GABRR3: variants seen among roughly 807,000 people sequenced by gnomAD.
GABRR3 encodes gamma-aminobutyric acid type A receptor subunit rho3.
In GABRR3, 29 loss-of-function variants were observed where a neutral mutation model predicts 43.2. The ratio of observed to expected loss-of-function variants is 0.67; its 90% CI spans 0.50 to 0.92. The LOEUF (loss-of-function observed/expected upper bound fraction) is 0.92, where lower values mean the gene tolerates loss of function less well. Among genes scored for constraint, GABRR3 ranks in the 40% least tolerant of loss-of-function variants. The pLI is 0.00. For missense variants in GABRR3, 576 were observed against 572.3 expected (o/e 1.01, Z -0.07); for synonymous variants, 206 against 195.9 (o/e 1.05, Z -0.43).
chr3:98,002,548 C>T (rs1048165285), intron 7 of GABRR3, among the ~76,000 whole-genome samples: 1 of 152,126 alleles, frequency 6.6e-6, no homozygotes, highest in Non-Finnish European at 1.5e-5. Flanking sequence ...CATACACATA[C>T]CAGGATATAT....
chr3:98,008,959 T>C (rs1210062940), exon 6 of GABRR3: 1 of 1,596,582 alleles, frequency 6.3e-7, no homozygotes, highest in East Asian at 2.2e-5. Context: ...GACTTACAGC[T>C]TTCCAGTTCA....
At chr3:98,017,678 C>T in exon 4 of GABRR3, 1 of 1,610,788 alleles carries the variant, frequency 6.2e-7, no homozygotes. Context: ...GAAATGCTGT[C>T]AATGCTTTCA....
chr3:97,991,776 CT>C (rs1706471323), intron 9 of GABRR3, among the ~76,000 whole-genome samples: 1 of 151,994 alleles, frequency 6.6e-6, no homozygotes, highest in African/African-American at 2.4e-5. Flanking sequence ...TAAAAACATC[CT>C]GAAAGTATGA....
chr3:98,007,436 A>C (rs185324808), intron 7 of GABRR3, among the ~76,000 whole-genome samples: 79 of 152,282 alleles, frequency 5.2e-4, no homozygotes, highest in Non-Finnish European at 7.9e-4. Context: ...AGAAACTTCA[A>C]TTTGTTGTAA....
intron 3 of GABRR3, among the ~76,000 whole-genome samples, chr3:98,023,438 A>G (rs1163360180): frequency 1.3e-5 from 2 of 152,134 alleles, no homozygotes; most frequent in African/African-American, 4.8e-5. Flanking sequence ...CCGAAAACCC[A>G]GGGACAGGCA....
chr3:98,034,028 T>C (rs1432652592), intron 2 of GABRR3, among the ~76,000 whole-genome samples: 1 of 152,202 alleles, frequency 6.6e-6, no homozygotes, highest in East Asian at 1.9e-4. Flanking sequence ...AGCTTAAACA[T>C]CTGTCACCCC....
At chr3:98,005,989 C>A (rs535973216) in intron 7 of GABRR3, among the ~76,000 whole-genome samples, 1 of 151,840 alleles carries the variant, frequency 6.6e-6, no homozygotes, top group African/African-American at 2.4e-5. Context: ...TTCACATATA[C>A]CATGCTTCAT....
intron 3 of GABRR3, among the ~76,000 whole-genome samples, chr3:98,022,847 A>G (rs894555666): frequency 6.6e-6 from 1 of 152,212 alleles, no homozygotes. Flanking sequence ...CGGGAAAGAA[A>G]GTATTTTTAA....
chr3:97,991,944 A>T (rs957006218), intron 9 of GABRR3, among the ~76,000 whole-genome samples: 9 of 152,192 alleles, frequency 5.9e-5, no homozygotes, highest in African/African-American at 2.2e-4. Flanking sequence ...ATACATATAT[A>T]CTATATGCAC....
At chr3:98,017,762 T>C (rs902417734) in intron 3 of GABRR3, 40 bp from the exon 4 acceptor site, 2 of 1,363,528 alleles carry the variant, frequency 1.5e-6, no homozygotes, top group Non-Finnish European at 2.1e-6. Flanking sequence ...AGGAATGCAT[T>C]ATAATCATTT....
At chr3:98,015,938 T>C (rs1706867053) in intron 4 of GABRR3, among the ~76,000 whole-genome samples, 1 of 152,134 alleles carries the variant, frequency 6.6e-6, no homozygotes, top group African/African-American at 2.4e-5. Flanking sequence ...GAGGTTTAAT[T>C]GACTCACAGT....
chr3:98,022,787 A>AC (rs1706964196), intron 3 of GABRR3, among the ~76,000 whole-genome samples: 1 of 152,204 alleles, frequency 6.6e-6, no homozygotes, highest in Admixed American at 6.5e-5. Context: ...GCCGCCTGCC[A>AC]CTAAGTAGCA....
At chr3:98,012,987 T>C (rs1008602063) in intron 4 of GABRR3, among the ~76,000 whole-genome samples, 3 of 152,224 alleles carry the variant, frequency 2.0e-5, no homozygotes, top group Non-Finnish European at 4.4e-5. Flanking sequence ...TTGATACTCA[T>C]GTTATTTTTG....
chr3:98,011,215 G>A (rs971409723), intron 5 of GABRR3, among the ~76,000 whole-genome samples: 1 of 152,166 alleles, frequency 6.6e-6, no homozygotes, highest in East Asian at 1.9e-4. Flanking sequence ...AAGTGGTTAA[G>A]GTATTTTTAA....
chr3:98,009,088 C>A, intron 5 of GABRR3, 50 bp from the exon 6 acceptor site: 2 of 1,189,966 alleles, frequency 1.7e-6, no homozygotes, highest in Non-Finnish European at 2.4e-6. Flanking sequence ...AACCATCTGG[C>A]CAAATGAGCA....
At chr3:98,008,875 A>T in intron 6 of GABRR3, 81 bp downstream of exon 6, 1 of 652,902 alleles carries the variant, frequency 1.5e-6, no homozygotes, top group Non-Finnish European at 2.5e-6. Flanking sequence ...AATGTTTGTT[A>T]AGAGCATGCT....
intron 2 of GABRR3, among the ~76,000 whole-genome samples, chr3:98,034,250 C>T (rs1707124596): frequency 6.6e-6 from 1 of 152,042 alleles, no homozygotes; most frequent in Non-Finnish European, 1.5e-5. Flanking sequence ...ACCTATAAAG[C>T]CCTAGGCAAA....
intron 8 of GABRR3, among the ~76,000 whole-genome samples, chr3:97,996,011 A>G (rs1444650443): frequency 2.0e-5 from 3 of 152,204 alleles, no homozygotes; most frequent in Non-Finnish European, 4.4e-5. Context: ...TTAACTTTTT[A>G]AAGATGGGGT....
At chr3:98,009,256 G>A (rs1398576618) in intron 5 of GABRR3, among the ~76,000 whole-genome samples, 1 of 152,164 alleles carries the variant, frequency 6.6e-6, no homozygotes, top group Non-Finnish European at 1.5e-5. Flanking sequence ...AGTGAATTCA[G>A]CTCTCATACC....
Sources: allele counts gnomAD v4.1 joint callset (sites outside exome capture counted in the v4.1 genomes callset), GRCh38; gene constraint gnomAD v4.1.1; transcripts MANE v1.5; gene names NCBI Gene and HGNC (gene_info 2026-07-23, HGNC 2026-07-21).